The following ALMS1 variants were observed in gnomAD, a reference collection of about 807,000 sequenced individuals.
ALMS1 encodes ALMS1 centrosome and basal body associated protein.
In ALMS1, 271 loss-of-function variants were observed where a neutral mutation model predicts 352.2. The observed-to-expected ratio is 0.77, with a 90% CI of 0.70 to 0.85. The LOEUF is 0.85. Ranked by LOEUF, ALMS1 falls within the 40% of genes least tolerant of loss-of-function variation. The probability of loss-of-function intolerance (pLI) is 0.00; values close to 1 mark genes in which losing one functional copy is unlikely to be tolerated. For missense variants in ALMS1, 5,445 were observed against 4,870.7 expected, an observed-to-expected ratio of 1.12 and a Z score of -3.51; for synonymous variants, 1,865 against 1,761.2, an observed-to-expected ratio of 1.06 and a Z score of -1.48.
chr2:73,547,111 G>C (rs999438013), intron 12 of ALMS1, among the ~76,000 whole-genome samples: 4 of 152,174 alleles, frequency 2.6e-5, no homozygotes, highest in Non-Finnish European at 5.9e-5. Context: ...TTATAAAATA[G>C]ACTTCATGTT....
At chr2:73,582,387 A>T (rs1328758851) in intron 16 of ALMS1, among the ~76,000 whole-genome samples, 2 of 152,232 alleles carry the variant, frequency 1.3e-5, no homozygotes, top group Non-Finnish European at 2.9e-5. Flanking sequence ...TAAAAAACAC[A>T]TACCAAAAAA....
chr2:73,480,453 A>G (rs1412784793), intron 9 of ALMS1, among the ~76,000 whole-genome samples: 1 of 152,088 alleles, frequency 6.6e-6, no homozygotes, highest in African/African-American at 2.4e-5. Flanking sequence ...TATGTGCCAC[A>G]TTTTCTTAAT....
intron 12 of ALMS1, among the ~76,000 whole-genome samples, chr2:73,542,318 AC>A (rs1355445486): frequency 1.3e-5 from 2 of 152,070 alleles, no homozygotes; most frequent in African/African-American, 2.4e-5. Context: ...AAATTCAACA[AC>A]CCTTCATGCT....
intron 9 of ALMS1, among the ~76,000 whole-genome samples, chr2:73,473,000 T>C (rs1281652340): frequency 2.6e-5 from 4 of 152,006 alleles, no homozygotes; most frequent in East Asian, 1.9e-4. Flanking sequence ...GAAGGAACGG[T>C]TGAAAAGGAG....
chr2:73,455,238 A>G lies in ALMS1; in HGVS notation c.7617A>G (p.Lys2539=), dbSNP rs1055074859. Residue 2539 remains lysine (K), a synonymous_variant, in exon 9 of 23, where the codon AAA becomes AAG. Transcript: ENST00000613296. Reference sequence around the variant, plus strand: ...AATTAAATGAAGATGACAGGAGGAAAGTAGAAGAGATCAAGGCAGAGTTAT... The same window carrying G: ...AATTAAATGAAGATGACAGGAGGAAGGTAGAAGAGATCAAGGCAGAGTTAT... The part of the protein sequence containing the change: ...ISELNEDDRR[K]VEEIKAELFG... 3 of 1,614,172 alleles carry G rather than the reference A, an allele frequency of 1.9e-6. No individual in the cohort carries two copies. Among genetic ancestry groups the G allele is most frequent in the Middle Eastern group, 1.7e-4 (1 of 6,060 alleles).
chr2:73,424,541 C>T lies in ALMS1; in HGVS notation c.876C>T (p.Arg292=). Residue 292 remains arginine (R), a synonymous_variant, in exon 5 of 23, where the codon CGC becomes CGT. Transcript: ENST00000613296. ...TAGCTTCAGACTTAGCAAGCAGTCG[C>T]TTTAGTGTATCTCAGCACCCGCTTA... ...AEVASDLASS[R]FSVSQHPLIG... is the part of the protein sequence containing the mutation. 6.2e-7 allele frequency: 1 copy of T among 1,613,462 alleles called. No homozygotes were observed. Among genetic ancestry groups the T allele is most frequent in the Non-Finnish European group, 8.5e-7 (1 of 1,179,716 alleles).
intron 13 of ALMS1, among the ~76,000 whole-genome samples, chr2:73,550,837 A>G (rs961536799): frequency 6.8e-6 from 1 of 146,646 alleles, no homozygotes; most frequent in African/African-American, 2.5e-5. Flanking sequence ...AGCTGACATG[A>G]TTTTTTTTTT....
At chr2:73,408,391 C>G (rs941337872) in intron 1 of ALMS1, among the ~76,000 whole-genome samples, 1 of 152,116 alleles carries the variant, frequency 6.6e-6, no homozygotes, top group East Asian at 1.9e-4. Flanking sequence ...CTGCTTTTAC[C>G]TCTATGGGTA....
At chr2:73,390,237 T>C (rs1670617867) in intron 1 of ALMS1, among the ~76,000 whole-genome samples, 1 of 152,180 alleles carries the variant, frequency 6.6e-6, no homozygotes, top group Non-Finnish European at 1.5e-5. Flanking sequence ...CTGGCATAGG[T>C]TGGAAAGTGT....
intron 9 of ALMS1, among the ~76,000 whole-genome samples, chr2:73,488,162 G>A (rs1016904783): frequency 1.1e-4 from 17 of 152,076 alleles, no homozygotes; most frequent in Admixed American, 4.6e-4. Context: ...TGCCATCTAC[G>A]GTACCCATGG....
intron 3 of ALMS1, among the ~76,000 whole-genome samples, chr2:73,420,350 C>G (rs1002211748): frequency 1.3e-5 from 2 of 151,974 alleles, no homozygotes; most frequent in African/African-American, 2.4e-5. Context: ...GCTTACAGGC[C>G]AAGTCTTGAT....
Position 73,602,287 on chromosome 2 carries a change from C to T in ALMS1, c.12217C>T (p.Gln4073Ter), listed in dbSNP as rs774835325. 5.0e-6 allele frequency: 8 copies of T among 1,614,218 alleles called. No homozygotes were observed. Among genetic ancestry groups the T allele is most frequent in the Non-Finnish European group, 6.8e-6 (8 of 1,180,032 alleles). Residue 4073 changes from glutamine (Q) to a stop codon, truncating the protein, a stop_gained, in exon 20 of 23, where the codon CAG becomes TAG. Transcript: ENST00000613296. LOFTEE classifies it high-confidence loss of function. ...VQERKLQSML[Q>*]TERDALFNID... is the part of the protein sequence containing the mutation. ...GGAGAGGAAGCTGCAGAGCATGTTACAGACCGAGCGGGATGCACTATTCAA... is the reference window on the plus strand; with the variant it reads ...GGAGAGGAAGCTGCAGAGCATGTTATAGACCGAGCGGGATGCACTATTCAA...
At position 73,490,621 on chromosome 2, in the gene ALMS1, T is replaced by C; in HGVS notation, c.8662T>C (p.Phe2888Leu). 6.2e-7 allele frequency: 1 copy of C among 1,614,196 alleles called. No individual in the cohort carries two copies. The highest frequency in any genetic ancestry group is 8.5e-7 in the Non-Finnish European group (1 of 1,180,036). ...CATTTTTCTTGAACAACGAGAGCTC[T>C]TTGAACAAAGCAAAGCCCCACGTGC... ...SCIFLEQREL[F>L]EQSKAPRADD... Residue 2888 changes from phenylalanine to leucine, a missense_variant, in exon 10 of 23, where the codon TTT (phenylalanine) becomes CTT (leucine). Phe to Leu is a conservative substitution (Grantham distance 22). Coordinates refer to ENST00000613296, the MANE Select transcript of ALMS1 (RefSeq NM_001378454.1).
At chr2:73,489,490 C>T in intron 9 of ALMS1, 144 bp from the exon 10 acceptor site, 1 of 932,486 alleles carries the variant, frequency 1.1e-6, no homozygotes, top group Non-Finnish European at 1.6e-6. Flanking sequence ...TTGCTGTGCT[C>T]TTTGTCCTGT....
intron 10 of ALMS1, among the ~76,000 whole-genome samples, chr2:73,511,697 G>A (rs1246348407): frequency 6.6e-6 from 1 of 152,082 alleles, no homozygotes; most frequent in African/African-American, 2.4e-5. Flanking sequence ...GTCTCAACTA[G>A]GAGTGATTTT....
At chr2:73,518,760 CT>C (rs1673611701) in intron 10 of ALMS1, among the ~76,000 whole-genome samples, 1 of 152,108 alleles carries the variant, frequency 6.6e-6, no homozygotes, top group East Asian at 1.9e-4. Context: ...TATATATCTT[CT>C]TTTAAAAAGT....
At chr2:73,529,896 C>T (rs1296947267) in intron 11 of ALMS1, among the ~76,000 whole-genome samples, 3 of 152,052 alleles carry the variant, frequency 2.0e-5, no homozygotes, top group East Asian at 3.9e-4. Flanking sequence ...ATAACTGCCA[C>T]GTTAAAACCA....
At position 73,573,283 on chromosome 2, in the gene ALMS1, A is replaced by G. The variant is rs1310085796; in HGVS notation, c.11406A>G (p.Ser3802=). ...TTGGCCATGAAAGAGTATGCTTGTC[A>G]CCCAGACGAATTAAATTATATAGCA... ...QAFGHERVCL[S]PRRIKLYSSI... Residue 3802 remains serine, a synonymous_variant, in exon 16 of 23, where the codon TCA becomes TCG. Coordinates refer to ENST00000613296, the MANE Select transcript of ALMS1 (RefSeq NM_001378454.1). The G allele has an allele frequency of 6.2e-7, 1 of 1,614,128 alleles. No homozygotes were observed. The highest frequency in any genetic ancestry group is 1.1e-5 in the South Asian group (1 of 91,080).
chr2:73,445,021 T>C (rs1443342660), intron 7 of ALMS1, among the ~76,000 whole-genome samples: 1 of 120,120 alleles, frequency 8.3e-6, no homozygotes, highest in Non-Finnish European at 2.0e-5. Context: ...GGTGTCTTTT[T>C]AAAAAAACAT....
Sources: allele counts gnomAD v4.1 joint callset (sites outside exome capture counted in the v4.1 genomes callset), GRCh38; gene constraint gnomAD v4.1.1; transcripts MANE v1.5; gene names NCBI Gene and HGNC (gene_info 2026-07-23, HGNC 2026-07-21).